Variants in GLI2 observed in about 807,000 individuals in gnomAD.
The protein encoded by GLI2 is transcription activator GLI2.
In GLI2, 22 loss-of-function variants were observed where a neutral mutation model predicts 78.9. The ratio of observed to expected loss-of-function variants is 0.28; its 90% CI spans 0.20 to 0.40. The LOEUF is 0.40. Ranked by LOEUF, GLI2 falls within the 10% of genes least tolerant of loss-of-function variation. The pLI is 1.00. For synonymous variants in GLI2, 974 were observed against 963.7 expected, an observed-to-expected ratio of 1.01 and a Z score of -0.20; for missense variants, 2,097 against 2,213.2, an observed-to-expected ratio of 0.95 and a Z score of 1.05.
At chr2:120,777,704 C>T (rs1046577404) in intron 1 of GLI2, among the ~76,000 whole-genome samples, 2 of 112,082 alleles carry the variant, frequency 1.8e-5, no homozygotes, top group African/African-American at 3.7e-5. Flanking sequence ...GGATCCCAGG[C>T]GGGGGTGCAG....
chr2:120,966,408 T>C (rs963760675), intron 5 of GLI2, among the ~76,000 whole-genome samples: 5 of 152,166 alleles, frequency 3.3e-5, no homozygotes, highest in African/African-American at 1.2e-4. Context: ...CAGGCCACTG[T>C]TCCAGTCCAG....
chr2:120,968,660 C>A, intron 5 of GLI2, 54 bp from the exon 6 acceptor site: 2 of 1,268,862 alleles, frequency 1.6e-6, no homozygotes, highest in Non-Finnish European at 2.3e-6. Context: ...CCACATGTCA[C>A]CCCCTCCCCC....
At chr2:120,970,098 CAGCAGTGG>C (rs1392706767) in intron 6 of GLI2, among the ~76,000 whole-genome samples, 26 of 152,168 alleles carry the variant, frequency 1.7e-4, no homozygotes, top group Non-Finnish European at 2.9e-4. Context: ...CTAGGTATCA[CAGCAGTGG>C]AGAGGCCAGG....
rs1462895982 is a variant in GLI2 at position 120,990,210 on chromosome 2, T to C, written c.4245T>C (p.Pro1415=). 1.2e-6 allele frequency: 2 copies of C among 1,613,356 alleles called. No homozygotes were observed. Among genetic ancestry groups the C allele is most frequent in the Non-Finnish European group, 1.7e-6 (2 of 1,180,012 alleles). ...GNMGSVPPQP[P]PQDAGGAPDH... ...TGGGGTCGGTGCCTCCCCAGCCGCCTCCGCAGGACGCAGGTGGGGCCCCGG... is the reference window on the plus strand; with the variant it reads ...TGGGGTCGGTGCCTCCCCAGCCGCCCCCGCAGGACGCAGGTGGGGCCCCGG... The change falls in exon 14 of 14, where the codon CCT becomes CCC. Residue 1415 remains proline, a synonymous_variant. Coordinates refer to ENST00000361492, the MANE Select transcript of GLI2 (RefSeq NM_001374353.1).
intron 2 of GLI2, among the ~76,000 whole-genome samples, chr2:120,830,831 T>G (rs1558821504): frequency 6.6e-6 from 1 of 152,178 alleles, no homozygotes. Flanking sequence ...TCTCTGACTT[T>G]GTTGCTGTCT....
chr2:120,748,296 C>T (rs1387523234), intron 1 of GLI2, among the ~76,000 whole-genome samples: 1 of 152,208 alleles, frequency 6.6e-6, no homozygotes, highest in Non-Finnish European at 1.5e-5. Context: ...ATGCAAAGTC[C>T]TGTCAGTATA....
chr2:120,886,908 G>A (rs1291321370), intron 2 of GLI2, among the ~76,000 whole-genome samples: 2 of 152,216 alleles, frequency 1.3e-5, no homozygotes, highest in African/African-American at 4.8e-5. Flanking sequence ...TGTCAGGCGA[G>A]GCACATCCAA....
intron 2 of GLI2, among the ~76,000 whole-genome samples, chr2:120,901,482 G>T (rs1398347705): frequency 6.6e-6 from 1 of 152,172 alleles, no homozygotes; most frequent in Non-Finnish European, 1.5e-5. Flanking sequence ...CCGCTGGGCC[G>T]GTGCTGCTCC....
chr2:120,957,060 C>G (rs1409820544), intron 5 of GLI2, among the ~76,000 whole-genome samples: 1 of 152,206 alleles, frequency 6.6e-6, no homozygotes, highest in Non-Finnish European at 1.5e-5. Context: ...ACAGCAACCA[C>G]CTCACATTGC....
At chr2:120,899,206 TGG>T (rs1037365225) in intron 2 of GLI2, among the ~76,000 whole-genome samples, 2 of 152,016 alleles carry the variant, frequency 1.3e-5, no homozygotes, top group African/African-American at 4.8e-5. Flanking sequence ...AGGCTGCAGC[TGG>T]GCCTCATCTG....
chr2:120,948,474 G>A (rs556133750), intron 3 of GLI2, among the ~76,000 whole-genome samples: 75 of 152,264 alleles, frequency 4.9e-4, no homozygotes, highest in Middle Eastern at 3.4e-3. Flanking sequence ...CAACTGCACC[G>A]TGGAGGCGGA....
chr2:120,811,251 C>A (rs1291623748), intron 2 of GLI2, among the ~76,000 whole-genome samples: 1 of 152,172 alleles, frequency 6.6e-6, no homozygotes, highest in Non-Finnish European at 1.5e-5. Context: ...TGTAGACATC[C>A]ACTGGTGGAT....
intron 5 of GLI2, among the ~76,000 whole-genome samples, chr2:120,959,279 A>C: frequency 6.6e-6 from 1 of 152,202 alleles, no homozygotes. Flanking sequence ...CAGGACATGG[A>C]GGTAACGGGG....
At position 120,990,585 on chromosome 2, in the gene GLI2, C is replaced by G. The variant is rs564254987; in HGVS notation, c.4620C>G (p.Pro1540=). 3 of 1,614,012 alleles carry G rather than the reference C, an allele frequency of 1.9e-6. No homozygotes were observed. In the East Asian group the frequency reaches 6.7e-5, roughly 36 times the overall value. ...ACTCCTTGACCCTGCCCTCCATCCC[C>G]GCAGGCATCAGCAACATGGCTGTCG... ...PRNSLTLPSI[P]AGISNMAVGD... The change falls in exon 14 of 14, where the codon CCC becomes CCG. Residue 1540 remains proline, a synonymous_variant. Transcript: ENST00000361492.
At position 120,986,518 on chromosome 2, in the gene GLI2, A is replaced by G; in HGVS notation, c.2146A>G (p.Lys716Glu). Residue 716 changes from lysine (K) to glutamate (E), a missense_variant, in exon 13 of 14, where the codon AAG becomes GAG. By Grantham distance (56) the Lys-to-Glu change is moderately conservative. Around this residue, in one of 5 missense-constraint regions of GLI2, gnomAD observed 1,290 missense variants for 1,261.7 expected, o/e 1.02. Transcript: ENST00000361492. ...CACCATGCACCGGTTCGAGCAGCTC[A>G]AGAAGGAGAAGCTCAAGTCACTCAA... The part of the protein sequence containing the change: ...MTTMHRFEQL[K>E]KEKLKSLKDS... 3 of 1,613,878 alleles carry G rather than the reference A, an allele frequency of 1.9e-6. No homozygotes were observed. Among genetic ancestry groups the G allele is most frequent in the African/African-American group, 1.3e-5 (1 of 75,068 alleles).
intron 2 of GLI2, among the ~76,000 whole-genome samples, chr2:120,885,701 G>C (rs768897163): frequency 6.6e-6 from 1 of 152,202 alleles, no homozygotes; most frequent in Non-Finnish European, 1.5e-5. Context: ...TTGAGGCCAC[G>C]GGGAGGATTA....
At chr2:120,807,662 C>G (rs1274769359) in intron 2 of GLI2, among the ~76,000 whole-genome samples, 1 of 152,152 alleles carries the variant, frequency 6.6e-6, no homozygotes, top group Non-Finnish European at 1.5e-5. Flanking sequence ...GAAGCACTGG[C>G]AAATGAGGCT....
intron 11 of GLI2, among the ~76,000 whole-genome samples, chr2:120,983,523 C>T (rs1682813084): frequency 6.6e-6 from 1 of 152,230 alleles, no homozygotes; most frequent in Non-Finnish European, 1.5e-5. Flanking sequence ...AGCCCCCTGG[C>T]CTGTTGGCTT....
chr2:120,911,619 C>T (rs1678823336), intron 2 of GLI2, among the ~76,000 whole-genome samples: 1 of 152,196 alleles, frequency 6.6e-6, no homozygotes, highest in African/African-American at 2.4e-5. Flanking sequence ...TGTATTCATT[C>T]ATTCACTCAC....
Sources: gnomAD v4.1 joint callset for allele counts (sites outside exome capture counted in the v4.1 genomes callset) on GRCh38, gnomAD v4.1.1 for gene constraint, gnomAD v4.1.1 regional missense constraint, MANE v1.5 for transcripts, NCBI Gene and HGNC (gene_info 2026-07-23, HGNC 2026-07-21) for gene names.